CTNNA3: variants seen among roughly 807,000 people sequenced by gnomAD.
The protein encoded by CTNNA3 is catenin alpha-3.
Under a neutral mutation model 95.7 loss-of-function variants are expected in CTNNA3, and 76 were observed. The observed-to-expected ratio is 0.79, with a 90% confidence interval of 0.66 to 0.96. The LOEUF (loss-of-function observed/expected upper bound fraction) is 0.96, where lower values mean the gene tolerates loss of function less well. Ranked by LOEUF, CTNNA3 falls within the 40% of genes least tolerant of loss-of-function variation. The pLI is 0.00. For synonymous variants in CTNNA3, 431 were observed against 374.4 expected (o/e 1.15, Z -1.74); for missense variants, 1,191 against 1,089.8 (o/e 1.09, Z -1.31).
intron 5 of CTNNA3, among the ~76,000 whole-genome samples, chr10:67,249,106 A>C (rs1866011609): frequency 1.3e-5 from 2 of 151,914 alleles, no homozygotes; most frequent in African/African-American, 4.8e-5. Flanking sequence ...CATTTCATGA[A>C]AACTAAAAAA....
At chr10:66,813,379 T>C (rs1230598932) in intron 7 of CTNNA3, among the ~76,000 whole-genome samples, 3 of 152,220 alleles carry the variant, frequency 2.0e-5, no homozygotes, top group Non-Finnish European at 4.4e-5. Context: ...AACAGGCGTC[T>C]ACTCAATTTG....
chr10:66,201,193 C>T (rs949706043), intron 13 of CTNNA3, among the ~76,000 whole-genome samples: 5 of 152,190 alleles, frequency 3.3e-5, no homozygotes, highest in Non-Finnish European at 5.9e-5. Flanking sequence ...CTGTTCTTTA[C>T]TCACTACCCA....
At chr10:66,781,465 A>C (rs1840533047) in intron 7 of CTNNA3, among the ~76,000 whole-genome samples, 1 of 152,150 alleles carries the variant, frequency 6.6e-6, no homozygotes, top group South Asian at 2.1e-4. Flanking sequence ...GAAAAATGAA[A>C]TCTCTCCTTC....
chr10:66,304,656 C>T (rs755669777), intron 12 of CTNNA3, among the ~76,000 whole-genome samples: 2 of 152,038 alleles, frequency 1.3e-5, no homozygotes, highest in Admixed American at 1.3e-4. Context: ...AAAATTTGAT[C>T]CTACAATACA....
intron 7 of CTNNA3, among the ~76,000 whole-genome samples, chr10:67,129,977 C>A (rs1301818654): frequency 6.6e-6 from 1 of 152,018 alleles, no homozygotes; most frequent in African/African-American, 2.4e-5. Flanking sequence ...TAGAAGCATA[C>A]TTAGATATTT....
intron 4 of CTNNA3, among the ~76,000 whole-genome samples, 154 bp from the exon 5 acceptor site, chr10:67,522,115 A>G (rs1840005811): frequency 6.6e-6 from 1 of 152,216 alleles, no homozygotes; most frequent in Admixed American, 6.5e-5. Context: ...CAATGAAATA[A>G]TTAGGGACAC....
chr10:65,961,495 C>T (rs2077842019), intron 17 of CTNNA3, among the ~76,000 whole-genome samples: 1 of 152,050 alleles, frequency 6.6e-6, no homozygotes, highest in Non-Finnish European at 1.5e-5. Flanking sequence ...TATTCAAGGA[C>T]TTTATAGTCT....
In CTNNA3 at chr10:66,530,692, C is replaced by G. The variant is rs188661845; in HGVS notation, c.1375-9919G>C. Among the ~76,000 whole-genome samples the G allele has an allele frequency of 2.8e-4, 43 of 152,186 alleles. 1 individual carries two copies. In the East Asian group the frequency reaches 7.9e-3, roughly 28 times the overall value. On this transcript the variant is annotated intron_variant, in intron 10 of 17. Coordinates refer to ENST00000433211, the MANE Select transcript of CTNNA3 (RefSeq NM_013266.4). ...GACTCCAGGTTTACAATTAATGAAA[C>G]TGCATTCAACTTTGGCCTCACAACC...
intron 11 of CTNNA3, among the ~76,000 whole-genome samples, chr10:66,474,872 C>G (rs545740283): frequency 6.6e-6 from 1 of 151,942 alleles, no homozygotes; most frequent in Non-Finnish European, 1.5e-5. Flanking sequence ...AAAACTCTTT[C>G]CAGATCCTTT....
At chr10:66,147,932 A>G (rs562198217) in intron 13 of CTNNA3, among the ~76,000 whole-genome samples, 2 of 151,398 alleles carry the variant, frequency 1.3e-5, no homozygotes, top group East Asian at 3.9e-4. Context: ...TAGTTTATTA[A>G]TTTATCAAAA....
At chr10:67,719,382 T>C (rs150285262) in intron 1 of CTNNA3, among the ~76,000 whole-genome samples, 138 of 152,270 alleles carry the variant, frequency 9.1e-4, no homozygotes, top group Non-Finnish European at 1.5e-3. Flanking sequence ...GTTCTTTTAA[T>C]TGTGATGTTA....
At chr10:67,107,898 GA>G (rs1465310700) in intron 7 of CTNNA3, among the ~76,000 whole-genome samples, 7 of 152,296 alleles carry the variant, frequency 4.6e-5, no homozygotes, top group African/African-American at 1.7e-4. Flanking sequence ...GGCCAAGCAG[GA>G]AGTGCTCTAG....
At chr10:66,029,178 C>T (rs1193371884) in intron 15 of CTNNA3, among the ~76,000 whole-genome samples, 2 of 152,042 alleles carry the variant, frequency 1.3e-5, no homozygotes, top group Non-Finnish European at 2.9e-5. Context: ...TTCTAATTGG[C>T]CTTTTTACTT....
chr10:66,254,610 T>C (rs1331898658), intron 13 of CTNNA3, among the ~76,000 whole-genome samples: 2 of 152,226 alleles, frequency 1.3e-5, no homozygotes, highest in Non-Finnish European at 2.9e-5. Flanking sequence ...CAATAAATTC[T>C]TCTTGCCAAC....
chr10:66,182,199 A>G (rs955838218), intron 13 of CTNNA3, among the ~76,000 whole-genome samples: 3 of 151,970 alleles, frequency 2.0e-5, no homozygotes, highest in African/African-American at 7.2e-5. Context: ...CCTCAAAGTC[A>G]TGAATGATCT....
chr10:66,113,523 A>G (rs1052464304), intron 13 of CTNNA3, among the ~76,000 whole-genome samples: 1 of 152,176 alleles, frequency 6.6e-6, no homozygotes, highest in African/African-American at 2.4e-5. Context: ...ATCCAGATTC[A>G]AGGTCAAACG....
At chr10:67,120,394 T>C (rs1437548670) in intron 7 of CTNNA3, among the ~76,000 whole-genome samples, 1 of 151,962 alleles carries the variant, frequency 6.6e-6, no homozygotes, top group African/African-American at 2.4e-5. Flanking sequence ...ATTGATTTTA[T>C]CATACACATA....
intron 9 of CTNNA3, among the ~76,000 whole-genome samples, chr10:66,669,829 A>C (rs1263003468): frequency 6.6e-6 from 1 of 152,212 alleles, no homozygotes; most frequent in East Asian, 1.9e-4. Context: ...TTAATTAAAT[A>C]GAGTTTATTC....
chr10:67,302,063 GAAA>G (rs1840337922), intron 5 of CTNNA3, among the ~76,000 whole-genome samples: 2 of 84,086 alleles, frequency 2.4e-5, no homozygotes, highest in Non-Finnish European at 4.1e-5. Context: ...AAGAAAGAAA[GAAA>G]GAAAGAAAGA....
Sources: gnomAD v4.1 joint callset for allele counts (sites outside exome capture counted in the v4.1 genomes callset) on GRCh38, gnomAD v4.1.1 for gene constraint, MANE v1.5 for transcripts, NCBI Gene and HGNC (gene_info 2026-07-23, HGNC 2026-07-21) for gene names.